PHACTR2: variants seen among roughly 807,000 people sequenced by gnomAD.
PHACTR2 encodes the protein chromosome 6 open reading frame 56.
A neutral mutation model predicts 76.0 loss-of-function variants in PHACTR2; 30 were observed. The ratio of observed to expected loss-of-function variants is 0.39; its 90% CI spans 0.30 to 0.54. The LOEUF is 0.54. Ranked by LOEUF, PHACTR2 falls within the 20% of genes least tolerant of loss-of-function variation. The pLI is 0.61. For missense variants in PHACTR2, 696 were observed against 781.1 expected (o/e 0.89, Z 1.30); for synonymous variants, 292 against 292.5 (o/e 1.00, Z 0.02).
intron 1 of PHACTR2, among the ~76,000 whole-genome samples, chr6:143,544,623 C>T (rs986815529): frequency 4.5e-4 from 68 of 152,140 alleles, no homozygotes; most frequent in African/African-American, 1.5e-3. Context: ...GTGGCACCTT[C>T]GCATGCTTCC....
chr6:143,732,333 G>A (rs1778718676), intron 2 of PHACTR2, among the ~76,000 whole-genome samples: 1 of 152,126 alleles, frequency 6.6e-6, no homozygotes, highest in South Asian at 2.1e-4. Context: ...TATCTCTGCG[G>A]GTTTGCCTAT....
chr6:143,768,648 T>C (rs1775016712), intron 6 of PHACTR2, among the ~76,000 whole-genome samples: 2 of 152,202 alleles, frequency 1.3e-5, no homozygotes, highest in African/African-American at 4.8e-5. Context: ...ACTAAGGGCT[T>C]AATATCAGTC....
rs1250906375 is a variant in PHACTR2, at chr6:143,547,787, A to G, written c.217+10580A>G. On this transcript the variant is annotated intron_variant, in intron 1 of 11. Transcript: ENST00000367584. This position sits in a 1 kb window ranked among gnomAD's most constrained non-coding sequence, Gnocchi z 4.2. The stretch of plus-strand genomic sequence containing the variant: ...CTTGCGGCCAGGAACTGATACATTG[A>G]TACATTGGTTGTGATCAAGGAGGGC... Among the ~76,000 whole-genome samples, 1 of 152,186 alleles carries G rather than the reference A, an allele frequency of 6.6e-6. No homozygotes were observed. Among genetic ancestry groups the G allele is most frequent in the Non-Finnish European group, 1.5e-5 (1 of 68,024 alleles).
Position 143,537,327 on chromosome 6 carries a change from G to A in PHACTR2, c.217+120G>A. On this transcript the variant is annotated intron_variant, in intron 1 of 11. Transcript: ENST00000367584. The surrounding 1 kb of genome is among the most constrained non-coding windows in gnomAD (Gnocchi z 4.4). ...GCCCGGCAGGCTGGCGGCGGGGTGGGGGTGGGGGACAGGGGAGGGCGGAGG... is the reference window on the plus strand; with the variant it reads ...GCCCGGCAGGCTGGCGGCGGGGTGGAGGTGGGGGACAGGGGAGGGCGGAGG... 1 of 163,000 alleles carries A rather than the reference G, an allele frequency of 6.1e-6. No homozygotes were observed. The highest frequency in any genetic ancestry group is 1.3e-5 in the Non-Finnish European group (1 of 75,816). 10.1% of individuals were successfully genotyped at this position (163,000 alleles called of 1,614,324 possible). A position where few individuals can be genotyped will look rare whatever the true frequency, so the allele number is the denominator to read the frequency against.
rs938117056 is a variant in PHACTR2, at chr6:143,824,903, A to G, written c.*1214A>G. The G allele has an allele frequency of 6.6e-6, 1 of 152,650 alleles. No homozygotes were observed. Among genetic ancestry groups the G allele is most frequent in the Admixed American group, 6.5e-5 (1 of 15,288 alleles). 9.5% of individuals were successfully genotyped at this position (152,650 alleles called of 1,614,324 possible). A position where few individuals can be genotyped will look rare whatever the true frequency, so the allele number is the denominator to read the frequency against. On this transcript the variant is annotated 3_prime_UTR_variant, in exon 13 of 13. Coordinates refer to ENST00000440869, the MANE Select transcript of PHACTR2 (RefSeq NM_001100164.2). The surrounding 1 kb of genome is among the most constrained non-coding windows in gnomAD (Gnocchi z 6.3). The stretch of plus-strand genomic sequence containing the variant: ...TTTTAAGAATCTGCAGATGGCATCC[A>G]TAGATACAGTACAGTATTTACTGTC...
At chr6:143,573,588 T>C (rs114868385) in intron 1 of PHACTR2, among the ~76,000 whole-genome samples, 4 of 23,772 alleles carry the variant, frequency 1.7e-4, no homozygotes, top group Non-Finnish European at 3.8e-4. Context: ...TTTTTTTTTT[T>C]TCTAAGTATT....
chr6:143,766,080 C>T lies in PHACTR2; in HGVS notation c.1232+282C>T, dbSNP rs558778174. ...CAGCACTGCTCAGCAGTCCACAGTT[C>T]CCTTCTCTTTCCTTTCAGTGCTTAT... On this transcript the variant is annotated intron_variant, in intron 6 of 12. Transcript: ENST00000440869. Among the ~76,000 whole-genome samples the T allele has an allele frequency of 2.6e-5, 4 of 152,338 alleles. No homozygotes were observed. In the South Asian group the frequency reaches 8.3e-4, roughly 32 times the overall value.
Position 143,765,105 on chromosome 6 carries a change from A to T in PHACTR2, c.695-156A>T, listed in dbSNP as rs769939895. Among the ~76,000 whole-genome samples the T allele has an allele frequency of 6.6e-6, 1 of 152,222 alleles. No individual in the cohort carries two copies. The highest frequency in any genetic ancestry group is 1.5e-5 in the Non-Finnish European group (1 of 68,038). ...TGGAGGAAGGGAGGGGCAGAAGACA[A>T]GACTATTATCATGATTAGCCTATTT... On this transcript the variant is annotated intron_variant, in intron 5 of 12. Transcript: ENST00000440869. The surrounding 1 kb of genome is among the most constrained non-coding windows in gnomAD (Gnocchi z 4.1).
chr6:143,599,575 A>T lies in PHACTR2; in HGVS notation c.217+62368A>T, dbSNP rs965409077. Among the ~76,000 whole-genome samples, 1 of 152,210 alleles carries T rather than the reference A, an allele frequency of 6.6e-6. No individual in the cohort carries two copies. The highest frequency in any genetic ancestry group is 6.5e-5 in the Admixed American group (1 of 15,280). On this transcript the variant is annotated intron_variant, in intron 1 of 11. Coordinates refer to the PHACTR2 transcript ENST00000367584. This position sits in a 1 kb window ranked among gnomAD's most constrained non-coding sequence, Gnocchi z 4.6. ...AACTTAACAAATGTCGTATTACTAA[A>T]GAAATGCTTATTAATTTAAATTTAA... is the stretch of plus-strand genomic sequence containing the variant.
In PHACTR2 at chr6:143,591,029, T is replaced by C. The variant is rs900099327; in HGVS notation, c.217+53822T>C. 2.0e-5 allele frequency among the ~76,000 whole-genome samples: 3 copies of C among 152,228 alleles called. No individual in the cohort carries two copies. Among genetic ancestry groups the C allele is most frequent in the Admixed American group, 6.5e-5 (1 of 15,288 alleles). ...AGTCGGCCAAGTAGAATTGTACTTGTATAAAAATACAGCATTTCTTATGAT... is the reference window on the plus strand; with the variant it reads ...AGTCGGCCAAGTAGAATTGTACTTGCATAAAAATACAGCATTTCTTATGAT... On this transcript the variant is annotated intron_variant, in intron 1 of 11. Coordinates refer to the PHACTR2 transcript ENST00000367584. This position sits in a 1 kb window ranked among gnomAD's most constrained non-coding sequence, Gnocchi z 6.4.
chr6:143,713,679 A>C (rs1778234583), intron 2 of PHACTR2, among the ~76,000 whole-genome samples: 1 of 152,102 alleles, frequency 6.6e-6, no homozygotes, highest in Non-Finnish European at 1.5e-5. Context: ...CTAAACTCGG[A>C]GGTGCTTCAG....
At chr6:143,564,799 C>A (rs1775338893) in intron 1 of PHACTR2, among the ~76,000 whole-genome samples, 1 of 152,072 alleles carries the variant, frequency 6.6e-6, no homozygotes, top group African/African-American at 2.4e-5. Flanking sequence ...AGTAACAGTC[C>A]CTAAAATAAC....
Position 143,819,922 on chromosome 6 carries a change from T to C in PHACTR2, c.1923-3752T>C, listed in dbSNP as rs1251665825. On this transcript the variant is annotated intron_variant, in intron 12 of 12. Coordinates refer to ENST00000440869, the MANE Select transcript of PHACTR2 (RefSeq NM_001100164.2). This position sits in a 1 kb window ranked among gnomAD's most constrained non-coding sequence, Gnocchi z 5.0. Reference sequence around the variant, plus strand: ...TTAATTGGCTCACAGTTCTGCAGGCTGTACAGGAAGCATAGCAGCATCTGC... The same window carrying C: ...TTAATTGGCTCACAGTTCTGCAGGCCGTACAGGAAGCATAGCAGCATCTGC... 6.6e-6 allele frequency among the ~76,000 whole-genome samples: 1 copy of C among 152,156 alleles called. No individual in the cohort carries two copies. The highest frequency in any genetic ancestry group is 6.5e-5 in the Admixed American group (1 of 15,272).
chr6:143,753,674 T>C lies in PHACTR2; in HGVS notation c.296-80T>C. 3.0e-6 allele frequency: 3 copies of C among 992,274 alleles called. No homozygotes were observed. The highest frequency in any genetic ancestry group is 4.5e-6 in the Non-Finnish European group (3 of 668,754). The allele number at this position is 992,274 out of a possible 1,614,324, so 61.5% of individuals were successfully genotyped here. On this transcript the variant is annotated intron_variant, in intron 3 of 12. Transcript: ENST00000440869. The surrounding 1 kb of genome is among the most constrained non-coding windows in gnomAD (Gnocchi z 4.6). ...CAGGGACTGAAACATGAATCTAAATTTTACAATCCTAGTAACTGGAAAACT... is the reference window on the plus strand; with the variant it reads ...CAGGGACTGAAACATGAATCTAAATCTTACAATCCTAGTAACTGGAAAACT...
intron 2 of PHACTR2, among the ~76,000 whole-genome samples, chr6:143,745,539 A>G (rs949731777): frequency 6.6e-6 from 1 of 152,196 alleles, no homozygotes; most frequent in African/African-American, 2.4e-5. Flanking sequence ...ATTCATTGCA[A>G]TGCAAACCCC....
At chr6:143,712,218 A>C (rs939373056) in intron 2 of PHACTR2, 35 bp downstream of exon 2, 2 of 1,330,012 alleles carry the variant, frequency 1.5e-6, no homozygotes, top group Non-Finnish European at 2.0e-6. Context: ...AGATGGGATA[A>C]ATTGTAAAAC....
chr6:143,605,435 T>C (rs183738746), upstream of PHACTR2, among the ~76,000 whole-genome samples: 51 of 152,232 alleles, frequency 3.4e-4, no homozygotes, highest in African/African-American at 1.1e-3. This position sits in a 1 kb window ranked among gnomAD's most constrained non-coding sequence, Gnocchi z 5.0. Context: ...ATATTAATTG[T>C]GGGTGTGAAT....
In PHACTR2 at chr6:143,786,268, G is replaced by A. The variant is rs141712920; in HGVS notation, c.1708-2505G>A. ...ATCTCTAGGGCAGGGGCAAAATGCCGCCATTCTTTTTGCTAAAACATAATA... is the reference window on the plus strand; with the variant it reads ...ATCTCTAGGGCAGGGGCAAAATGCCACCATTCTTTTTGCTAAAACATAATA... On this transcript the variant is annotated intron_variant, in intron 10 of 12. Coordinates refer to ENST00000440869, the MANE Select transcript of PHACTR2 (RefSeq NM_001100164.2). 7.8e-3 allele frequency among the ~76,000 whole-genome samples: 1,186 copies of A among 152,154 alleles called. 14 individuals are homozygous for A. Among genetic ancestry groups the A allele is most frequent in the African/African-American group, 0.026 (1,058 of 41,480 alleles).
At position 143,757,957 on chromosome 6, in the gene PHACTR2, G is replaced by A. The variant is rs1220204119; in HGVS notation, c.455-2444G>A. 7.4e-5 allele frequency among the ~76,000 whole-genome samples: 7 copies of A among 94,770 alleles called. No homozygotes were observed. The highest frequency in any genetic ancestry group is 5.6e-3 in the Middle Eastern group (1 of 180). The allele number at this position is 94,770 out of a possible 152,430, so 62.2% of individuals were successfully genotyped here. A position where few individuals can be genotyped will look rare whatever the true frequency, so the allele number is the denominator to read the frequency against. ...TCCCTGCGTGTGTGTGCATGCACACGTGCGCGCACACACACACACACACAC... is the reference window on the plus strand; with the variant it reads ...TCCCTGCGTGTGTGTGCATGCACACATGCGCGCACACACACACACACACAC... On this transcript the variant is annotated intron_variant, in intron 4 of 12. Coordinates refer to ENST00000440869, the MANE Select transcript of PHACTR2 (RefSeq NM_001100164.2). The surrounding 1 kb of genome is among the most constrained non-coding windows in gnomAD (Gnocchi z 4.2).
Sources: gnomAD v4.1 joint callset for allele counts (sites outside exome capture counted in the v4.1 genomes callset) on GRCh38, gnomAD v4.1.1 for gene constraint, Gnocchi (gnomAD v3.1) non-coding constraint, MANE v1.5 for transcripts, NCBI Gene and HGNC (gene_info 2026-07-23, HGNC 2026-07-21) for gene names.